The following CSMD1 variants were observed in gnomAD, a reference collection of about 807,000 sequenced individuals.
CSMD1 encodes CUB and sushi domain-containing protein 1.
Under a neutral mutation model 417.5 loss-of-function variants are expected in CSMD1, and 213 were observed. The ratio of observed to expected loss-of-function variants is 0.51; its 90% CI spans 0.46 to 0.57. The LOEUF (loss-of-function observed/expected upper bound fraction) is 0.57, where lower values mean the gene tolerates loss of function less well. Among genes scored for constraint, CSMD1 ranks in the 20% least tolerant of loss-of-function variants. CSMD1 has a pLI of 0.00. For missense variants in CSMD1, 6,923 were observed against 4,529.7 expected, an observed-to-expected ratio of 1.53 and a Z score of -15.17; for synonymous variants, 2,862 against 1,736.8, an observed-to-expected ratio of 1.65 and a Z score of -16.11.
chr8:3,005,490 T>C (rs1807810511), intron 52 of CSMD1, among the ~76,000 whole-genome samples: 1 of 152,170 alleles, frequency 6.6e-6, no homozygotes, highest in Non-Finnish European at 1.5e-5. Context: ...TTTAGACCAA[T>C]ATCCTTGATG....
intron 5 of CSMD1, among the ~76,000 whole-genome samples, chr8:3,755,258 T>C (rs58969363): frequency 0.035 from 5,364 of 152,246 alleles, 217 homozygotes; most frequent in East Asian, 0.14. Context: ...TGAAGCAACA[T>C]AGGTGGATCA....
chr8:4,471,548 T>C (rs1800531674), intron 2 of CSMD1, among the ~76,000 whole-genome samples: 1 of 151,820 alleles, frequency 6.6e-6, no homozygotes, highest in Non-Finnish European at 1.5e-5. Flanking sequence ...TTAGAACCAG[T>C]GCATGGTGTT....
At chr8:3,784,077 A>T (rs947907394) in intron 5 of CSMD1, among the ~76,000 whole-genome samples, 1 of 152,228 alleles carries the variant, frequency 6.6e-6, no homozygotes, top group Admixed American at 6.5e-5. Context: ...ATTCATTTAA[A>T]ATGCTTCGGA....
chr8:3,152,151 C>T (rs1388247531), intron 39 of CSMD1, among the ~76,000 whole-genome samples: 1 of 152,188 alleles, frequency 6.6e-6, no homozygotes, highest in Non-Finnish European at 1.5e-5. Context: ...CACTTTCTCC[C>T]CAGGAAATCT....
chr8:4,928,543 TAAC>T (rs1807029919), intron 1 of CSMD1, among the ~76,000 whole-genome samples: 1 of 152,144 alleles, frequency 6.6e-6, no homozygotes, highest in Non-Finnish European at 1.5e-5. Context: ...CTCTCTGAAA[TAAC>T]AATTCTAATT....
At chr8:3,578,861 A>C (rs886330693) in intron 9 of CSMD1, among the ~76,000 whole-genome samples, 1 of 152,208 alleles carries the variant, frequency 6.6e-6, no homozygotes, top group Non-Finnish European at 1.5e-5. Flanking sequence ...TAATTAAGTA[A>C]CTACAGTATA....
intron 1 of CSMD1, among the ~76,000 whole-genome samples, chr8:4,944,826 A>G (rs1808261893): frequency 6.6e-6 from 1 of 152,182 alleles, no homozygotes; most frequent in Admixed American, 6.5e-5. Flanking sequence ...CGTGGTGGCT[A>G]CTGTGAAAAA....
chr8:3,597,792 T>C (rs1029971975), intron 8 of CSMD1, among the ~76,000 whole-genome samples: 58 of 151,692 alleles, frequency 3.8e-4, no homozygotes, highest in African/African-American at 1.3e-3. Context: ...ACAATGAGAA[T>C]ACACGGACAC....
At chr8:4,278,081 G>A (rs1295897050) in intron 3 of CSMD1, among the ~76,000 whole-genome samples, 1 of 152,134 alleles carries the variant, frequency 6.6e-6, no homozygotes, top group African/African-American at 2.4e-5. Flanking sequence ...TAATTAAAAT[G>A]CTACATTTAT....
chr8:4,320,452 G>A (rs1490704834), intron 3 of CSMD1, among the ~76,000 whole-genome samples: 4 of 151,972 alleles, frequency 2.6e-5, no homozygotes, highest in Non-Finnish European at 4.4e-5. Flanking sequence ...ATGGTTTTCT[G>A]CACCTATCAA....
intron 1 of CSMD1, among the ~76,000 whole-genome samples, chr8:4,645,029 T>G (rs549959234): frequency 9.2e-5 from 14 of 152,322 alleles, no homozygotes; most frequent in African/African-American, 3.4e-4. Flanking sequence ...TAGTGATTAC[T>G]TAAAACATTA....
At chr8:4,416,370 G>C (rs865961338) in intron 3 of CSMD1, among the ~76,000 whole-genome samples, 1 of 151,966 alleles carries the variant, frequency 6.6e-6, no homozygotes, top group Non-Finnish European at 1.5e-5. Context: ...ATAAAAGCTA[G>C]ATTTTAAAAA....
intron 3 of CSMD1, among the ~76,000 whole-genome samples, chr8:4,175,255 A>G (rs1432675796): frequency 6.6e-6 from 1 of 152,134 alleles, no homozygotes; most frequent in African/African-American, 2.4e-5. Context: ...AAATGAAACC[A>G]TTTATATTTA....
chr8:3,422,028 G>C (rs562498492), intron 12 of CSMD1, among the ~76,000 whole-genome samples: 104 of 152,138 alleles, frequency 6.8e-4, no homozygotes, highest in African/African-American at 2.1e-3. Flanking sequence ...AGATGTCTTA[G>C]AGCGTGAGCC....
intron 5 of CSMD1, among the ~76,000 whole-genome samples, chr8:3,893,236 T>C (rs2129128484): frequency 6.6e-6 from 1 of 150,700 alleles, no homozygotes; most frequent in Non-Finnish European, 1.5e-5. Flanking sequence ...ACACATTTTT[T>C]CTTCTTCTTA....
chr8:4,966,646 T>C (rs1270908818), intron 1 of CSMD1, among the ~76,000 whole-genome samples: 1 of 152,172 alleles, frequency 6.6e-6, no homozygotes, highest in Non-Finnish European at 1.5e-5. Flanking sequence ...CACAGAAGGA[T>C]GGTGATGAAA....
intron 5 of CSMD1, among the ~76,000 whole-genome samples, chr8:3,794,022 G>C (rs1360114845): frequency 6.6e-6 from 1 of 152,160 alleles, no homozygotes; most frequent in Non-Finnish European, 1.5e-5. Flanking sequence ...CGCGTAGACA[G>C]ACGAAAGACT....
At chr8:4,230,381 G>C (rs1162313387) in intron 3 of CSMD1, among the ~76,000 whole-genome samples, 2 of 152,132 alleles carry the variant, frequency 1.3e-5, no homozygotes, top group East Asian at 1.9e-4. Flanking sequence ...CCTGAGGTCA[G>C]ACAACTAATA....
At chr8:4,913,616 G>A (rs1055010269) in intron 1 of CSMD1, among the ~76,000 whole-genome samples, 1 of 152,182 alleles carries the variant, frequency 6.6e-6, no homozygotes, top group Non-Finnish European at 1.5e-5. Context: ...TTTTGCAGTA[G>A]GTGTTGCTGG....
Sources: allele counts gnomAD v4.1 joint callset (sites outside exome capture counted in the v4.1 genomes callset), GRCh38; gene constraint gnomAD v4.1.1; transcripts MANE v1.5; gene names NCBI Gene and HGNC (gene_info 2026-07-23, HGNC 2026-07-21).